Variants in HYKK observed in about 807,000 individuals in gnomAD.
The protein encoded by HYKK is 5-hydroxy-L-lysine kinase.
Under a neutral mutation model 29.7 loss-of-function variants are expected in HYKK, and 19 were observed. That is an observed-to-expected ratio of 0.64 (90% CI 0.45 to 0.94). The LOEUF (loss-of-function observed/expected upper bound fraction) is 0.94, where lower values mean the gene tolerates loss of function less well. Among genes scored for constraint, HYKK ranks in the 40% least tolerant of loss-of-function variants. HYKK has a pLI of 0.00. For missense variants in HYKK, 390 were observed against 443.4 expected (o/e 0.88, Z 1.08); for synonymous variants, 152 against 158.1 (o/e 0.96, Z 0.29).
intron 3 of HYKK, among the ~76,000 whole-genome samples, chr15:78,520,769 G>A (rs2141358550): frequency 6.6e-6 from 1 of 152,308 alleles, no homozygotes; most frequent in Non-Finnish European, 1.5e-5. Context: ...CTCCCAGATG[G>A]GGTGGTGGCC....
In HYKK at chr15:78,513,149, C is replaced by A. The variant is rs1172896779; in HGVS notation, c.61C>A (p.Gln21Lys). The A allele has an allele frequency of 1.2e-6, 2 of 1,614,052 alleles. No individual in the cohort carries two copies. Among genetic ancestry groups the A allele is most frequent in the Admixed American group, 1.7e-5 (1 of 60,018 alleles). The change falls in exon 2 of 5, where the codon CAA becomes AAA. Residue 21 changes from glutamine (Q) to lysine (K), a missense_variant. Coordinates refer to ENST00000388988, the MANE Select transcript of HYKK (RefSeq NM_001013619.4). ...TAGCAAACCCACTTTCAGTGAGGAACAAGCCTCTGCGTTAGTGGAGTCAGT... is the reference window on the plus strand; with the variant it reads ...TAGCAAACCCACTTTCAGTGAGGAAAAAGCCTCTGCGTTAGTGGAGTCAGT... ...ALSKPTFSEE[Q>K]ASALVESVFG...
rs2052183331 is a variant in HYKK at position 78,520,645 on chromosome 15, C to T, written c.477+5538C>T. On this transcript the variant is annotated intron_variant, in intron 3 of 4. Transcript: ENST00000388988. ...AGTCTCCCAGGTCTACTTCTTTCTA[C>T]ACAGACACGGCAACCATCCGATTTC... is the stretch of plus-strand genomic sequence containing the variant. Among the ~76,000 whole-genome samples the T allele has an allele frequency of 3.3e-5, 5 of 152,222 alleles. No homozygotes were observed. In the South Asian group the frequency reaches 1.0e-3, roughly 31 times the overall value.
chr15:78,529,378 C>T (rs1160809171), intron 4 of HYKK, among the ~76,000 whole-genome samples: 2 of 152,194 alleles, frequency 1.3e-5, no homozygotes, highest in East Asian at 1.9e-4. Context: ...GCTTGAGTCT[C>T]AGTATACATG....
Position 78,513,001 on chromosome 15 carries a change from A to G in HYKK, c.-5-83A>G, listed in dbSNP as rs528095641. 209 of 722,980 alleles carry G rather than the reference A, an allele frequency of 2.9e-4. 3 individuals carry two copies. The South Asian group carries it at 3.7e-3, about 13-fold the overall frequency. 44.8% of individuals were successfully genotyped at this position (722,980 alleles called of 1,614,324 possible). A position where few individuals can be genotyped will look rare whatever the true frequency, so the allele number is the denominator to read the frequency against. The stretch of plus-strand genomic sequence containing the variant: ...GAAGTACAGAATCAACAGAAACATT[A>G]CTGGTCTGTCTTGAGAAAAATCATT... On this transcript the variant is annotated intron_variant, in intron 1 of 4. Coordinates refer to ENST00000388988, the MANE Select transcript of HYKK (RefSeq NM_001013619.4).
At chr15:78,536,834 G>A (rs2052367290), downstream of HYKK, among the ~76,000 whole-genome samples, 1 of 152,216 alleles carries the variant, frequency 6.6e-6, no homozygotes, top group African/African-American at 2.4e-5. Context: ...ATTTGAATCA[G>A]TAGCTGAGTA....
At chr15:78,515,778 C>T (rs1317707194) in intron 3 of HYKK, among the ~76,000 whole-genome samples, 9 of 151,926 alleles carry the variant, frequency 5.9e-5, no homozygotes, top group East Asian at 1.9e-4. Flanking sequence ...TTAGTAGAGA[C>T]GAGGTTTCAC....
intron 2 of HYKK, among the ~76,000 whole-genome samples, chr15:78,514,658 G>C (rs559097427): frequency 1.2e-4 from 18 of 147,118 alleles, no homozygotes; most frequent in Admixed American, 2.7e-4. Flanking sequence ...TCTGTGTAGA[G>C]CTAAGGCCAG....
rs1027618800 is a variant in HYKK at position 78,514,079 on chromosome 15, A to C, written c.337+654A>C. On this transcript the variant is annotated intron_variant, in intron 2 of 4. Transcript: ENST00000388988. Reference sequence around the variant, plus strand: ...AGTGCTGGGATTACAGGCATGAGTCACCATGCCTGGCCTGTTTTTTTGTTT... The same window carrying C: ...AGTGCTGGGATTACAGGCATGAGTCCCCATGCCTGGCCTGTTTTTTTGTTT... 3.3e-5 allele frequency among the ~76,000 whole-genome samples: 5 copies of C among 151,040 alleles called. No individual in the cohort carries two copies. The East Asian group carries it at 9.7e-4, about 29-fold the overall frequency.
At position 78,533,791 on chromosome 15, in the gene HYKK, T is replaced by G. The variant is rs2052336087; in HGVS notation, c.*121T>G. Reference sequence around the variant, plus strand: ...ATCAACTGATGGAATGGATCAATTCTGAATATGACAGAGCACATGAAATCC... The same window carrying G: ...ATCAACTGATGGAATGGATCAATTCGGAATATGACAGAGCACATGAAATCC... On this transcript the variant is annotated 3_prime_UTR_variant, in exon 5 of 5. Coordinates refer to ENST00000388988, the MANE Select transcript of HYKK (RefSeq NM_001013619.4). 1 of 683,496 alleles carries G rather than the reference T, an allele frequency of 1.5e-6. No homozygotes were observed. The highest frequency in any genetic ancestry group is 1.8e-5 in the African/African-American group (1 of 55,430). 42.3% of individuals were successfully genotyped at this position (683,496 alleles called of 1,614,324 possible). A position where few individuals can be genotyped will look rare whatever the true frequency, so the allele number is the denominator to read the frequency against.
intron 3 of HYKK, among the ~76,000 whole-genome samples, chr15:78,525,833 C>T (rs1178317747): frequency 1.3e-5 from 2 of 152,194 alleles, no homozygotes; most frequent in Non-Finnish European, 2.9e-5. Flanking sequence ...GAATATGTCA[C>T]ATGTAATGGT....
rs2052335688 is a variant in HYKK at position 78,533,720 on chromosome 15, T to C, written c.*50T>C. ...TTCACTTTAACTTGGGTAATTAAAA[T>C]AGGACCCAGTCAAATTTTAGGAAGG... On this transcript the variant is annotated 3_prime_UTR_variant, in exon 5 of 5. Transcript: ENST00000388988. 4 of 1,330,022 alleles carry C rather than the reference T, an allele frequency of 3.0e-6. No homozygotes were observed. The South Asian group carries it at 3.9e-5, about 13-fold the overall frequency. The allele number at this position is 1,330,022 out of a possible 1,614,324, so 82.4% of individuals were successfully genotyped here.
intron 4 of HYKK, among the ~76,000 whole-genome samples, chr15:78,530,728 A>C (rs1238313921): frequency 2.0e-5 from 3 of 152,096 alleles, no homozygotes; most frequent in African/African-American, 7.2e-5. Context: ...TTTTTTATAG[A>C]AATGGAGTCT....
intron 4 of HYKK, chr15:78,528,757 G>T: frequency 1.6e-6 from 1 of 619,918 alleles, no homozygotes; most frequent in South Asian, 7.3e-5. Flanking sequence ...GGCCTAGGTT[G>T]TGCCACTGCA....
At position 78,513,386 on chromosome 15, in the gene HYKK, C is replaced by T. The variant is rs751981300; in HGVS notation, c.298C>T (p.His100Tyr). ...TGGATTTCCAACAGCCTCTGTGTGT[C>T]ACACTAAAGGAGACAACACAGCTTC... ...AAGFPTASVC[H>Y]TKGDNTASLV... The change falls in exon 2 of 5, where the codon CAC (histidine) becomes TAC (tyrosine). Residue 100 changes from histidine (H) to tyrosine (Y), a missense_variant. His to Tyr is a moderately conservative substitution (Grantham distance 83, BLOSUM62 2). Coordinates refer to ENST00000388988, the MANE Select transcript of HYKK (RefSeq NM_001013619.4). 1.9e-6 allele frequency: 3 copies of T among 1,614,042 alleles called. No homozygotes were observed. The highest frequency in any genetic ancestry group is 2.7e-5 in the African/African-American group (2 of 75,020).
chr15:78,533,467 T>C lies in HYKK; in HGVS notation c.919T>C (p.Leu307=). 6.2e-7 allele frequency: 1 copy of C among 1,614,232 alleles called. No individual in the cohort carries two copies. ...AGCTGTAGAGAAGGGTGCTTTGTTTTTACTTGTATGCAGTCGTTTTTGTCA... is the reference window on the plus strand; with the variant it reads ...AGCTGTAGAGAAGGGTGCTTTGTTTCTACTTGTATGCAGTCGTTTTTGTCA... ...LTAVEKGALF[L]LVCSRFCQSL... The change falls in exon 5 of 5, where the codon TTA becomes CTA. Residue 307 remains leucine, a synonymous_variant. Coordinates refer to ENST00000388988, the MANE Select transcript of HYKK (RefSeq NM_001013619.4).
intron 1 of HYKK, among the ~76,000 whole-genome samples, chr15:78,511,152 A>G (rs2052069937): frequency 1.3e-5 from 2 of 152,034 alleles, no homozygotes; most frequent in East Asian, 3.9e-4. Context: ...CTGAACAGCA[A>G]TCAAAACATA....
At position 78,527,160 on chromosome 15, in the gene HYKK, C is replaced by A. The variant is rs534626289; in HGVS notation, c.478-220C>A. ...AATTAACCAAGCATGGTGACATATG[C>A]CTGTGATCCCAGCTACTCGGGAGGC... On this transcript the variant is annotated intron_variant, in intron 3 of 4. Coordinates refer to ENST00000388988, the MANE Select transcript of HYKK (RefSeq NM_001013619.4). Among the ~76,000 whole-genome samples, 60 of 151,922 alleles carry A rather than the reference C, an allele frequency of 3.9e-4. No homozygotes were observed. The East Asian group carries it at 0.011, about 28-fold the overall frequency.
At chr15:78,536,986 G>C (rs1325868431), downstream of HYKK, among the ~76,000 whole-genome samples, 1 of 152,140 alleles carries the variant, frequency 6.6e-6, no homozygotes, top group Non-Finnish European at 1.5e-5. Flanking sequence ...CAAAACTCCA[G>C]GTTCTTGGCC....
At chr15:78,527,222 G>T (rs1054459330) in intron 3 of HYKK, among the ~76,000 whole-genome samples, 158 bp from the exon 4 acceptor site, 2 of 150,672 alleles carry the variant, frequency 1.3e-5, no homozygotes, top group African/African-American at 4.9e-5. Context: ...GGAGGTGGAG[G>T]TTGCAGTGAG....
Sources: allele counts gnomAD v4.1 joint callset (sites outside exome capture counted in the v4.1 genomes callset), GRCh38; gene constraint gnomAD v4.1.1; transcripts MANE v1.5; gene names NCBI Gene and HGNC (gene_info 2026-07-23, HGNC 2026-07-21).